Variants in IMMP2L observed in about 807,000 individuals in gnomAD.
IMMP2L encodes mitochondrial inner membrane protease subunit 2.
A neutral mutation model predicts 19.3 loss-of-function variants in IMMP2L; 18 were observed. The ratio of observed to expected loss-of-function variants is 0.93; its 90% CI spans 0.64 to 1.38. The LOEUF is 1.38. Among genes scored for constraint, IMMP2L ranks in the 40% most tolerant of loss-of-function variants. IMMP2L has a pLI of 0.00. For missense variants in IMMP2L, 233 were observed against 218.2 expected, an observed-to-expected ratio of 1.07 and a Z score of -0.43; for synonymous variants, 76 against 73.0, an observed-to-expected ratio of 1.04 and a Z score of -0.21.
intron 5 of IMMP2L, among the ~76,000 whole-genome samples, chr7:110,790,114 C>T (rs1304966500): frequency 6.6e-6 from 1 of 151,556 alleles, no homozygotes; most frequent in Non-Finnish European, 1.5e-5. Flanking sequence ...CTACAGTAGT[C>T]TCTAGTGCAT....
chr7:111,195,972 T>C (rs1360902847), intron 3 of IMMP2L, among the ~76,000 whole-genome samples: 2 of 152,052 alleles, frequency 1.3e-5, no homozygotes, highest in African/African-American at 2.4e-5. Context: ...GCTCAAGTGA[T>C]TCTCCCACCT....
At chr7:111,426,036 G>T (rs1836040072) in intron 3 of IMMP2L, among the ~76,000 whole-genome samples, 1 of 151,046 alleles carries the variant, frequency 6.6e-6, no homozygotes, top group African/African-American at 2.4e-5. Flanking sequence ...ACGACAGGGA[G>T]GGCATTTTCG....
chr7:111,548,320 T>A (rs549212990), intron 1 of IMMP2L, among the ~76,000 whole-genome samples: 2 of 152,300 alleles, frequency 1.3e-5, no homozygotes, highest in South Asian at 4.1e-4. Context: ...ATTCTCAATA[T>A]CATAAATCAG....
intron 3 of IMMP2L, among the ~76,000 whole-genome samples, chr7:111,451,254 C>T (rs1399171309): frequency 6.7e-6 from 1 of 148,332 alleles, no homozygotes; most frequent in Non-Finnish European, 1.5e-5. Context: ...TATAAAGACA[C>T]ATGCACACGT....
chr7:111,166,769 T>G (rs1805866416), intron 3 of IMMP2L, among the ~76,000 whole-genome samples: 1 of 152,014 alleles, frequency 6.6e-6, no homozygotes, highest in African/African-American at 2.4e-5. Flanking sequence ...GTTCCAGTCA[T>G]TCCATGGTTT....
intron 3 of IMMP2L, among the ~76,000 whole-genome samples, chr7:111,167,400 C>T (rs1057456670): frequency 2.6e-5 from 4 of 151,920 alleles, no homozygotes; most frequent in Non-Finnish European, 4.4e-5. Context: ...GTCTGCTCTG[C>T]GAAAAATGAC....
intron 3 of IMMP2L, among the ~76,000 whole-genome samples, chr7:111,227,565 G>A (rs1813238250): frequency 6.6e-6 from 1 of 151,976 alleles, no homozygotes; most frequent in Non-Finnish European, 1.5e-5. Flanking sequence ...ATGTTGAAAA[G>A]GAATCCCAAG....
intron 2 of IMMP2L, among the ~76,000 whole-genome samples, chr7:111,502,424 T>C (rs554102347): frequency 8.5e-5 from 13 of 152,108 alleles, no homozygotes; most frequent in African/African-American, 3.1e-4. Context: ...GACAGAAAGT[T>C]AACAAGGATA....
At chr7:111,534,085 G>C (rs1216753876) in intron 1 of IMMP2L, among the ~76,000 whole-genome samples, 1 of 151,840 alleles carries the variant, frequency 6.6e-6, no homozygotes, top group Non-Finnish European at 1.5e-5. Context: ...TAAAAACAAA[G>C]TACTACTTTA....
chr7:111,217,018 AT>A (rs1413013502), intron 3 of IMMP2L, among the ~76,000 whole-genome samples: 3 of 151,094 alleles, frequency 2.0e-5, no homozygotes, highest in Non-Finnish European at 2.9e-5. Flanking sequence ...TCCCTTTGGA[AT>A]TTTCTGGAAA....
intron 1 of IMMP2L, among the ~76,000 whole-genome samples, chr7:111,546,648 A>C (rs1585630852): frequency 6.6e-6 from 1 of 152,112 alleles, no homozygotes; most frequent in East Asian, 1.9e-4. Flanking sequence ...TTCAAACTAT[A>C]TTCCTTATTT....
At chr7:111,276,404 T>C (rs1195402537) in intron 3 of IMMP2L, among the ~76,000 whole-genome samples, 5 of 152,080 alleles carry the variant, frequency 3.3e-5, no homozygotes, top group African/African-American at 1.2e-4. Context: ...GGTCTGCAGT[T>C]TTCTTTTATT....
At chr7:111,547,049 T>C (rs1344472348) in intron 1 of IMMP2L, among the ~76,000 whole-genome samples, 1 of 152,242 alleles carries the variant, frequency 6.6e-6, no homozygotes, top group East Asian at 1.9e-4. Flanking sequence ...TTAAGTAAGT[T>C]TTTCTTAATC....
chr7:111,320,611 T>G (rs1228893512), intron 3 of IMMP2L, among the ~76,000 whole-genome samples: 5 of 152,056 alleles, frequency 3.3e-5, no homozygotes, highest in African/African-American at 1.2e-4. Context: ...CACTGAACTC[T>G]TACCACTCCC....
intron 1 of IMMP2L, among the ~76,000 whole-genome samples, chr7:111,550,565 G>A (rs888167593): frequency 5.9e-5 from 9 of 151,972 alleles, no homozygotes; most frequent in Non-Finnish European, 1.3e-4. Flanking sequence ...GGAGTAAATG[G>A]GATATCTCTG....
rs77693481 is a variant in IMMP2L at position 111,083,597 on chromosome 7, C to T, written c.240-120032G>A. ...ACTGTTGGCTTTGAAGCCTGACTTG[C>T]ATTCTAGCTTTCCTTCTTCACTAGC... On this transcript the variant is annotated intron_variant, in intron 3 of 5. Transcript: ENST00000405709. 9.7e-3 allele frequency among the ~76,000 whole-genome samples: 1,471 copies of T among 152,278 alleles called. 22 individuals carry two copies. Among genetic ancestry groups the T allele is most frequent in the African/African-American group, 0.033 (1,365 of 41,550 alleles).
chr7:110,675,509 T>G (rs1183766989), intron 5 of IMMP2L, among the ~76,000 whole-genome samples: 1 of 152,226 alleles, frequency 6.6e-6, no homozygotes, highest in Non-Finnish European at 1.5e-5. Context: ...CTGGTTTAGT[T>G]ATTTCTAAGT....
intron 3 of IMMP2L, among the ~76,000 whole-genome samples, chr7:111,129,107 A>G (rs1801600759): frequency 6.6e-6 from 1 of 152,206 alleles, no homozygotes. Flanking sequence ...AGAAGCTACT[A>G]AAGCAAACAA....
At chr7:111,438,353 A>C (rs1356827195) in intron 3 of IMMP2L, among the ~76,000 whole-genome samples, 2 of 151,674 alleles carry the variant, frequency 1.3e-5, no homozygotes, top group East Asian at 3.9e-4. Context: ...TTTTTTTATA[A>C]ACTGTCATCT....
Sources: allele counts gnomAD v4.1 joint callset (sites outside exome capture counted in the v4.1 genomes callset), GRCh38; gene constraint gnomAD v4.1.1; transcripts MANE v1.5; gene names NCBI Gene and HGNC (gene_info 2026-07-23, HGNC 2026-07-21).